The following TOLLIP variants were observed in gnomAD, a reference collection of about 807,000 sequenced individuals.
TOLLIP encodes toll-interacting protein.
A neutral mutation model predicts 33.5 loss-of-function variants in TOLLIP; 16 were observed. The ratio of observed to expected loss-of-function variants is 0.48; its 90% CI spans 0.32 to 0.72. The LOEUF (loss-of-function observed/expected upper bound fraction) is 0.72, where lower values mean the gene tolerates loss of function less well. TOLLIP is among the 30% of genes least tolerant of loss of function. The pLI is 0.03. For missense variants in TOLLIP, 325 were observed against 396.6 expected (o/e 0.82, Z 1.53); for synonymous variants, 176 against 163.7 (o/e 1.07, Z -0.57).
chr11:1,298,981 T>C (rs1442040042), intron 1 of TOLLIP, among the ~76,000 whole-genome samples: 1 of 152,136 alleles, frequency 6.6e-6, no homozygotes, highest in African/African-American at 2.4e-5. Flanking sequence ...CAAGGCAGGG[T>C]GCTGGGACAG....
rs190386031 is a variant in TOLLIP, at chr11:1,278,870, C to A, written c.611-1617G>T. On this transcript the variant is annotated intron_variant, in intron 5 of 5. Coordinates refer to ENST00000317204, the MANE Select transcript of TOLLIP (RefSeq NM_019009.4). This position sits in a 1 kb window ranked among gnomAD's most constrained non-coding sequence, Gnocchi z 4.7. ...GTCCTGGAGGGACCCCTGGGATCCC[C>A]GTGGCTTTTTGGGCGCCCCGGCTGG... 4.6e-5 allele frequency among the ~76,000 whole-genome samples: 7 copies of A among 152,214 alleles called. No homozygotes were observed. The highest frequency in any genetic ancestry group is 1.7e-4 in the African/African-American group (7 of 41,450).
Position 1,290,053 on chromosome 11 carries a change from C to G in TOLLIP, c.366+174G>C. On this transcript the variant is annotated intron_variant, in intron 3 of 5. Coordinates refer to ENST00000317204, the MANE Select transcript of TOLLIP (RefSeq NM_019009.4). The surrounding 1 kb of genome is among the most constrained non-coding windows in gnomAD (Gnocchi z 4.9). ...TATGTTCAAGGAGCTGGAAACAATC[C>G]CTTTTTCACATTCCTTGGGGAGAGC... 4.8e-6 allele frequency: 3 copies of G among 619,130 alleles called. No individual in the cohort carries two copies. Among genetic ancestry groups the G allele is most frequent in the Non-Finnish European group, 8.4e-6 (3 of 355,196 alleles). The allele number at this position is 619,130 out of a possible 1,614,324, so 38.4% of individuals were successfully genotyped here. A position where few individuals can be genotyped will look rare whatever the true frequency, so the allele number is the denominator to read the frequency against.
chr11:1,283,119 C>G (rs984267296), intron 5 of TOLLIP, among the ~76,000 whole-genome samples: 2 of 152,204 alleles, frequency 1.3e-5, no homozygotes, highest in Non-Finnish European at 2.9e-5. Context: ...ACGAGCAAGT[C>G]ACACCACTAG....
intron 1 of TOLLIP, among the ~76,000 whole-genome samples, chr11:1,307,537 G>A (rs1305275235): frequency 6.6e-6 from 1 of 152,234 alleles, no homozygotes; most frequent in African/African-American, 2.4e-5. Flanking sequence ...TTCCAGATGA[G>A]GAACAAGTTC....
rs1459614964 is a variant in TOLLIP at position 1,309,459 on chromosome 11, G to C, written c.33+7C>G. On this transcript the variant is annotated splice_region_variant and intron_variant, in intron 1 of 5. Transcript: ENST00000317204. ...GCCCCCGCCCGACCCTCGCCCGGCT[G>C]CCTCACCGGCCCGCGCTGAGTGCTG... 19 of 1,317,190 alleles carry C rather than the reference G, an allele frequency of 1.4e-5. No homozygotes were observed. The highest frequency in any genetic ancestry group is 1.8e-5 in the Non-Finnish European group (19 of 1,027,338). The allele number at this position is 1,317,190 out of a possible 1,614,324, so 81.6% of individuals were successfully genotyped here. A position where few individuals can be genotyped will look rare whatever the true frequency, so the allele number is the denominator to read the frequency against.
At chr11:1,304,851 A>C (rs549052293) in intron 1 of TOLLIP, among the ~76,000 whole-genome samples, 2 of 152,390 alleles carry the variant, frequency 1.3e-5, no homozygotes, top group East Asian at 3.9e-4. Flanking sequence ...AAACATGTAA[A>C]AAATCTGTAA....
chr11:1,298,268 C>T (rs866969265), intron 1 of TOLLIP: 17 of 152,338 alleles, frequency 1.1e-4, no homozygotes, highest in Admixed American at 5.2e-4. Flanking sequence ...ACAGGCGGCT[C>T]GTGCCCTCCT....
At chr11:1,280,527 G>A (rs1590206013) in intron 5 of TOLLIP, among the ~76,000 whole-genome samples, 3 of 152,084 alleles carry the variant, frequency 2.0e-5, no homozygotes, top group Non-Finnish European at 4.4e-5. Flanking sequence ...GCAGAGAAAA[G>A]AGAGAAGCAC....
intron 1 of TOLLIP, among the ~76,000 whole-genome samples, chr11:1,302,053 G>A (rs540609006): frequency 6.6e-6 from 1 of 152,350 alleles, no homozygotes; most frequent in African/African-American, 2.4e-5. Flanking sequence ...TGTGTCTGAG[G>A]GGCTGGCCCT....
intron 2 of TOLLIP, among the ~76,000 whole-genome samples, chr11:1,291,617 C>G (rs1424967390): frequency 5.4e-5 from 8 of 148,514 alleles, no homozygotes; most frequent in East Asian, 2.0e-4. Flanking sequence ...CTGAGGGCAC[C>G]GCCGCCCTGT....
intron 1 of TOLLIP, among the ~76,000 whole-genome samples, chr11:1,297,654 A>T (rs3793969): frequency 0.46 from 69,328 of 152,266 alleles, 15,993 homozygotes; most frequent in Non-Finnish European, 0.5. Context: ...CTGCGAGAAC[A>T]AGCAGAGCAC....
chr11:1,283,541 T>C (rs933209543), intron 5 of TOLLIP: 4 of 456,126 alleles, frequency 8.8e-6, no homozygotes, highest in Non-Finnish European at 1.8e-5. Context: ...CAGATGTTCC[T>C]GCATCTCCTT....
chr11:1,301,183 A>G (rs2133928099), intron 1 of TOLLIP, among the ~76,000 whole-genome samples: 1 of 152,378 alleles, frequency 6.6e-6, no homozygotes, highest in Middle Eastern at 3.4e-3. Flanking sequence ...ACACAATAAA[A>G]AATATCCTTA....
Position 1,276,328 on chromosome 11 carries a change from C to T in TOLLIP, c.*711G>A, listed in dbSNP as rs559899229. On this transcript the variant is annotated 3_prime_UTR_variant, in exon 6 of 6. Transcript: ENST00000317204. Reference sequence around the variant, plus strand: ...GGCAGCCTCCGGCGGGCGAAGGACCCGGCTTCAGATGCCCGCTGGCTGGCA... The same window carrying T: ...GGCAGCCTCCGGCGGGCGAAGGACCTGGCTTCAGATGCCCGCTGGCTGGCA... 6 of 220,016 alleles carry T rather than the reference C, an allele frequency of 2.7e-5. No individual in the cohort carries two copies. The highest frequency in any genetic ancestry group is 5.2e-5 in the Admixed American group (1 of 19,108). The allele number at this position is 220,016 out of a possible 1,614,324, so 13.6% of individuals were successfully genotyped here.
At chr11:1,287,292 C>T (rs1363121790) in intron 4 of TOLLIP, among the ~76,000 whole-genome samples, 1 of 152,216 alleles carries the variant, frequency 6.6e-6, no homozygotes, top group Non-Finnish European at 1.5e-5. Context: ...GAGACATTTA[C>T]ACATCGTCAC....
In TOLLIP at chr11:1,277,423, C is replaced by CAA. The variant is rs763646527; in HGVS notation, c.611-172_611-171dup. Among the ~76,000 whole-genome samples, 2 of 152,180 alleles carry CAA rather than the reference C, an allele frequency of 1.3e-5. No individual in the cohort carries two copies. Among genetic ancestry groups the CAA allele is most frequent in the Non-Finnish European group, 2.9e-5 (2 of 68,034 alleles). On this transcript the variant is annotated intron_variant, in intron 5 of 5. Transcript: ENST00000317204. The surrounding 1 kb of genome is among the most constrained non-coding windows in gnomAD (Gnocchi z 4.2). ...AAGACACCCTGGAAAGGCAAACCCC[C>CAA]AAACAGCAACCCCAGGCACAGCCAC...
chr11:1,288,694 T>C lies in TOLLIP; in HGVS notation c.449A>G (p.Lys150Arg), dbSNP rs746207071. 74 of 1,612,802 alleles carry C rather than the reference T, an allele frequency of 4.6e-5. No homozygotes were observed. The highest frequency in any genetic ancestry group is 1.6e-4 in the Middle Eastern group (1 of 6,080). ...CTGCCTCCCGCTCAGGCTGTACCAC[T>C]TGTCCTCCACCTTGCCCTGCCTCAG... ...ESLRQGKVEDKWYSLSGRQGD... is the reference protein window; with the variant it reads ...ESLRQGKVEDRWYSLSGRQGD... Residue 150 changes from lysine to arginine, a missense_variant, in exon 4 of 6, where the codon AAG becomes AGG. Lys to Arg is a conservative substitution (Grantham distance 26). Coordinates refer to ENST00000317204, the MANE Select transcript of TOLLIP (RefSeq NM_019009.4).
At chr11:1,284,290 T>G (rs1397720856) in intron 5 of TOLLIP, among the ~76,000 whole-genome samples, 1 of 151,688 alleles carries the variant, frequency 6.6e-6, no homozygotes, top group African/African-American at 2.4e-5. Flanking sequence ...TGTGGTCACC[T>G]CCTAGGAAGC....
intron 1 of TOLLIP, among the ~76,000 whole-genome samples, chr11:1,307,947 T>TG (rs761359436): frequency 1.1e-4 from 16 of 152,272 alleles, no homozygotes; most frequent in Admixed American, 8.5e-4. Flanking sequence ...CACCAGGACT[T>TG]GTGGATACAG....
Sources: gnomAD v4.1 joint callset for allele counts (sites outside exome capture counted in the v4.1 genomes callset) on GRCh38, gnomAD v4.1.1 for gene constraint, Gnocchi (gnomAD v3.1) non-coding constraint, MANE v1.5 for transcripts, NCBI Gene and HGNC (gene_info 2026-07-23, HGNC 2026-07-21) for gene names.